The following GTF3C3 variants were observed in gnomAD, a reference collection of about 807,000 sequenced individuals.
GTF3C3 encodes the protein general transcription factor IIIC subunit 3.
A neutral mutation model predicts 105.2 loss-of-function variants in GTF3C3; 75 were observed. The ratio of observed to expected loss-of-function variants is 0.71; its 90% confidence interval spans 0.59 to 0.86. The LOEUF is 0.86. GTF3C3 is among the 40% of genes least tolerant of loss of function. The pLI is 0.00. For missense variants in GTF3C3, 856 were observed against 1,076.5 expected (o/e 0.80, Z 2.87); for synonymous variants, 335 against 370.4 (o/e 0.90, Z 1.10).
chr2:196,791,713 A>G, intron 3 of GTF3C3: 1 of 329,112 alleles, frequency 3.0e-6, no homozygotes, highest in Non-Finnish European at 5.7e-6. Flanking sequence ...AAGCAGGCGG[A>G]TCACCTGAGG....
At chr2:196,794,747 T>A (rs1377147704) in intron 2 of GTF3C3, among the ~76,000 whole-genome samples, 1 of 145,592 alleles carries the variant, frequency 6.9e-6, no homozygotes. Context: ...AAACTCTTTT[T>A]TTTTTGAGAG....
intron 4 of GTF3C3, 69 bp downstream of exon 4, chr2:196,791,268 G>A: frequency 1.4e-6 from 2 of 1,474,174 alleles, no homozygotes; most frequent in Non-Finnish European, 1.9e-6. Flanking sequence ...GTACTGTGAA[G>A]TGCTCCCCCA....
At chr2:196,794,174 G>A (rs1038366942) in intron 2 of GTF3C3, among the ~76,000 whole-genome samples, 3 of 152,096 alleles carry the variant, frequency 2.0e-5, no homozygotes, top group Admixed American at 1.3e-4. Flanking sequence ...ACCCTACATC[G>A]TCTTGGGACT....
chr2:196,768,064 C>T (rs1329931896), intron 16 of GTF3C3, among the ~76,000 whole-genome samples: 4 of 152,244 alleles, frequency 2.6e-5, no homozygotes, highest in Non-Finnish European at 4.4e-5. Context: ...CTCTATCACA[C>T]AGGAGTGCAG....
intron 12 of GTF3C3, among the ~76,000 whole-genome samples, 161 bp from the exon 13 acceptor site, chr2:196,775,412 T>C (rs1250967863): frequency 6.6e-6 from 1 of 152,150 alleles, no homozygotes; most frequent in Non-Finnish European, 1.5e-5. Context: ...CATGCCACCA[T>C]ACCCAGCTCT....
At chr2:196,770,421 A>G (rs755017838) in intron 15 of GTF3C3, among the ~76,000 whole-genome samples, 5 of 152,232 alleles carry the variant, frequency 3.3e-5, no homozygotes, top group Non-Finnish European at 7.3e-5. Flanking sequence ...TATAGAATCA[A>G]CTGATCTGTT....
Position 196,799,620 on chromosome 2 carries a change from G to A in GTF3C3, c.-9C>T. Reference sequence around the variant, plus strand: ...GGACTGAACCCTGACATGTTTACAGGGTCTGTCTGTGCAACCCCAGGAACC... The same window carrying A: ...GGACTGAACCCTGACATGTTTACAGAGTCTGTCTGTGCAACCCCAGGAACC... On this transcript the variant is annotated 5_prime_UTR_variant, in exon 1 of 18. Transcript: ENST00000263956. 1 of 1,599,160 alleles carries A rather than the reference G, an allele frequency of 6.3e-7. No individual in the cohort carries two copies. The highest frequency in any genetic ancestry group is 8.6e-7 in the Non-Finnish European group (1 of 1,166,394).
Position 196,764,590 on chromosome 2 carries a change from C to G in GTF3C3, c.2634G>C (p.Thr878=). 6.2e-7 allele frequency: 1 copy of G among 1,613,866 alleles called. No individual in the cohort carries two copies. The highest frequency in any genetic ancestry group is 8.5e-7 in the Non-Finnish European group (1 of 1,179,834). ...QSSGNTGMAQ[T]LLYTYCSI The stretch of plus-strand genomic sequence containing the variant: ...ATATAGAACAATAGGTATACAAAAG[C>G]GTTTGAGCCATTCCGGTATTCCCAC... Residue 878 remains threonine, a synonymous_variant, in exon 18 of 18, where the codon ACG becomes ACC. Transcript: ENST00000263956.
chr2:196,773,229 C>A, intron 13 of GTF3C3, 76 bp from the exon 14 acceptor site: 1 of 821,172 alleles, frequency 1.2e-6, no homozygotes. Context: ...TTCACATCAT[C>A]AATTTTAAGA....
chr2:196,784,961 AAT>A (rs768150111), intron 7 of GTF3C3, 32 bp from the exon 8 acceptor site: 2 of 1,406,640 alleles, frequency 1.4e-6, no homozygotes, highest in African/African-American at 1.4e-5. Flanking sequence ...AAGGAAATAA[AAT>A]ATGTGTGAAA....
chr2:196,782,889 T>C (rs937196528), intron 8 of GTF3C3, among the ~76,000 whole-genome samples: 16 of 152,168 alleles, frequency 1.1e-4, no homozygotes, highest in African/African-American at 3.9e-4. Context: ...AGCTTATATA[T>C]TATTAACTAA....
intron 17 of GTF3C3, among the ~76,000 whole-genome samples, chr2:196,765,295 T>C (rs777321284): frequency 3.9e-5 from 6 of 151,972 alleles, no homozygotes; most frequent in Non-Finnish European, 2.9e-5. Context: ...TCTTCCCCAA[T>C]ACAAAAACTT....
chr2:196,793,086 T>G lies in GTF3C3; in HGVS notation c.281A>C (p.Glu94Ala). 6.2e-7 allele frequency: 1 copy of G among 1,613,872 alleles called. No homozygotes were observed. The highest frequency in any genetic ancestry group is 8.5e-7 in the Non-Finnish European group (1 of 1,179,788). ...TTCTTCCTCTTCCTCCTCATCATCT[T>G]CATTCTCTCCAAGCATGGAAGCAAA... ...KVFASMLGEN[E>A]DDEEEEEEEE... The change falls in exon 3 of 18, where the codon GAA becomes GCA. Residue 94 changes from glutamate (E) to alanine (A), a missense_variant. Physicochemically the swap from Glu to Ala is moderately radical, Grantham distance 107. Transcript: ENST00000263956.
At chr2:196,781,684 G>C (rs1168390620) in intron 8 of GTF3C3, among the ~76,000 whole-genome samples, 1 of 151,894 alleles carries the variant, frequency 6.6e-6, no homozygotes, top group Non-Finnish European at 1.5e-5. Flanking sequence ...AGTTATAGGA[G>C]GATTCGGACA....
chr2:196,769,728 A>C (rs1240969147), intron 16 of GTF3C3, among the ~76,000 whole-genome samples, 187 bp downstream of exon 16: 1 of 152,176 alleles, frequency 6.6e-6, no homozygotes, highest in Non-Finnish European at 1.5e-5. Flanking sequence ...ATATCGCTGT[A>C]ATAAGTCTTA....
Position 196,777,136 on chromosome 2 carries a change from T to G in GTF3C3, c.1391-507A>C, listed in dbSNP as rs184456884. Among the ~76,000 whole-genome samples, 253 of 152,258 alleles carry G rather than the reference T, an allele frequency of 1.7e-3. 1 individual carries two copies. The highest frequency in any genetic ancestry group is 3.1e-3 in the Non-Finnish European group (210 of 68,006). The stretch of plus-strand genomic sequence containing the variant: ...ATTAGGATTTTAATAAAATCCAGGG[T>G]ATTGGATTCTTTTGAAAGTTCTGTA... On this transcript the variant is annotated intron_variant, in intron 10 of 17. Transcript: ENST00000263956.
chr2:196,772,971 CAAAGT>C lies in GTF3C3; in HGVS notation c.2009_2013del (p.Tyr670TrpfsTer28). The stretch of plus-strand genomic sequence containing the variant: ...TTGTCCAGAATTGCAGCAGACAGAC[CAAAGT>C]ATTCTAGTTCTTTGCGTTTTTGCCT... On this transcript the variant is annotated frameshift_variant, in exon 14 of 18. Coordinates refer to ENST00000263956, the MANE Select transcript of GTF3C3 (RefSeq NM_012086.5). LOFTEE classifies it high-confidence loss of function. 1.2e-6 allele frequency: 2 copies of C among 1,607,356 alleles called. No individual in the cohort carries two copies. Among genetic ancestry groups the C allele is most frequent in the Non-Finnish European group, 1.7e-6 (2 of 1,177,388 alleles).
intron 13 of GTF3C3, among the ~76,000 whole-genome samples, chr2:196,774,023 A>G (rs1371446497): frequency 6.6e-6 from 1 of 152,240 alleles, no homozygotes; most frequent in Non-Finnish European, 1.5e-5. Flanking sequence ...GCTCAGCAAA[A>G]TACTTCAAAT....
intron 17 of GTF3C3, among the ~76,000 whole-genome samples, 187 bp from the exon 18 acceptor site, chr2:196,764,872 A>C (rs1175156688): frequency 6.6e-6 from 1 of 152,234 alleles, no homozygotes; most frequent in Non-Finnish European, 1.5e-5. Flanking sequence ...CAGCATCATC[A>C]AATATTTTAA....
Sources: gnomAD v4.1 joint callset for allele counts (sites outside exome capture counted in the v4.1 genomes callset) on GRCh38, gnomAD v4.1.1 for gene constraint, MANE v1.5 for transcripts, NCBI Gene and HGNC (gene_info 2026-07-23, HGNC 2026-07-21) for gene names.